Variants in DOCK10 observed in about 807,000 individuals in gnomAD.
DOCK10 encodes the protein dedicator of cytokinesis 10.
In DOCK10, 145 loss-of-function variants were observed where a neutral mutation model predicts 280.1. That is an observed-to-expected ratio of 0.52 (90% CI 0.45 to 0.59). DOCK10 has a LOEUF of 0.59. Ranked by LOEUF, DOCK10 falls within the 20% of genes least tolerant of loss-of-function variation. DOCK10 has a pLI of 0.00. For missense variants in DOCK10, 2,368 were observed against 2,651.7 expected (o/e 0.89, Z 2.35); for synonymous variants, 915 against 942.2 (o/e 0.97, Z 0.53).
chr2:224,766,164 A>G (rs1165302086), intron 55 of DOCK10, among the ~76,000 whole-genome samples: 1 of 152,180 alleles, frequency 6.6e-6, no homozygotes, highest in Non-Finnish European at 1.5e-5. Flanking sequence ...TATTGTCAGC[A>G]TCTGCCAAAA....
At chr2:224,880,238 A>G (rs1354557675) in intron 7 of DOCK10, among the ~76,000 whole-genome samples, 1 of 152,236 alleles carries the variant, frequency 6.6e-6, no homozygotes, top group Non-Finnish European at 1.5e-5. Context: ...TATAATTAAA[A>G]TAAATATTCG....
intron 1 of DOCK10, among the ~76,000 whole-genome samples, chr2:225,017,654 A>C (rs1449632251): frequency 1.3e-5 from 2 of 151,600 alleles, no homozygotes; most frequent in Admixed American, 6.6e-5. Flanking sequence ...AAAAATGTGG[A>C]TAGAACTGTC....
intron 1 of DOCK10, among the ~76,000 whole-genome samples, chr2:224,937,098 T>G (rs142072234): frequency 0.01 from 1,596 of 152,300 alleles, 20 homozygotes; most frequent in South Asian, 0.034. Context: ...AGCAATTTAA[T>G]AACTAAAATA....
chr2:224,767,909 A>G (rs917936907), intron 55 of DOCK10, among the ~76,000 whole-genome samples: 2 of 103,024 alleles, frequency 1.9e-5, no homozygotes, highest in Admixed American at 1.1e-4. Flanking sequence ...TATCCATTCT[A>G]ATTGTTTCTT....
In DOCK10 at chr2:224,801,983, A is replaced by G. The variant is rs369441393; in HGVS notation, c.4326T>C (p.Pro1442=). 6.8e-6 allele frequency: 11 copies of G among 1,613,048 alleles called. No homozygotes were observed. The African/African-American group carries it at 1.1e-4, about 16-fold the overall frequency. The change falls in exon 40 of 56, where the codon CCT becomes CCC. Residue 1442 remains proline (P), a synonymous_variant. Transcript: ENST00000258390. ...AAAGTGCATTTTTGCCTCGAATTAT[A>G]GGTAAAGTTTGTGATCTGTGCTGCT... ...GHKQHRSQTL[P]IIRGKNALSN... is the part of the protein sequence containing the mutation.
rs1692574152 is a variant in DOCK10, at chr2:224,796,357, C to T, written c.4897G>A (p.Ala1633Thr). The change falls in exon 44 of 56, where the codon GCA becomes ACA. Residue 1633 changes from alanine (A) to threonine (T), a missense_variant. Ala to Thr is a moderately conservative substitution (Grantham distance 58, BLOSUM62 0). This residue lies in a region of DOCK10 where 1,159 missense variants were observed against 1,400.8 expected (regional missense o/e 0.83). Coordinates refer to ENST00000258390, the MANE Select transcript of DOCK10 (RefSeq NM_014689.3). ...CCATTGGCGAAATTATTGGTAATTG[C>T]AAGCGAATGTTGAAACCGAGAGCCT... ...IGGSRFQHSL[A>T]ITNNFANGDK... is the part of the protein sequence containing the mutation. The T allele has an allele frequency of 6.4e-7, 1 of 1,573,740 alleles. No individual in the cohort carries two copies. Among genetic ancestry groups the T allele is most frequent in the East Asian group, 2.3e-5 (1 of 43,160 alleles).
At chr2:224,995,467 C>T (rs1000700683) in intron 1 of DOCK10, among the ~76,000 whole-genome samples, 5 of 152,200 alleles carry the variant, frequency 3.3e-5, no homozygotes, top group East Asian at 1.9e-4. Context: ...ATCTATCTCA[C>T]GCCAATAATA....
intron 39 of DOCK10, 30 bp from the exon 40 acceptor site, chr2:224,802,070 G>T: frequency 6.2e-7 from 1 of 1,605,724 alleles, no homozygotes. Context: ...AGTGGTTAGA[G>T]TTATTTGGGG....
intron 1 of DOCK10, among the ~76,000 whole-genome samples, chr2:225,014,809 G>T (rs1034948297): frequency 1.3e-5 from 2 of 152,190 alleles, no homozygotes; most frequent in Admixed American, 6.5e-5. Flanking sequence ...ACCAGGTCCA[G>T]TGTGAAGGTT....
chr2:224,773,068 T>C, intron 53 of DOCK10, 89 bp downstream of exon 53: 1 of 1,215,242 alleles, frequency 8.2e-7, no homozygotes, highest in Non-Finnish European at 1.1e-6. Flanking sequence ...AAAATGTTTC[T>C]TATATTCTTT....
Position 224,805,166 on chromosome 2 carries a change from C to A in DOCK10, c.4051+40G>T. ...GGTAGTATGAGAATCTGAAGGTTTT[C>A]TTTTTCCTTTTTTCAAAAAAATTAA... On this transcript the variant is annotated intron_variant, in intron 36 of 55. Transcript: ENST00000258390. The surrounding 1 kb of genome is among the most constrained non-coding windows in gnomAD (Gnocchi z 4.3). The A allele has an allele frequency of 6.2e-7, 1 of 1,600,580 alleles. No individual in the cohort carries two copies. The highest frequency in any genetic ancestry group is 8.5e-7 in the Non-Finnish European group (1 of 1,175,840).
Position 224,891,147 on chromosome 2 carries a change from C to T in DOCK10, c.417-4616G>A, listed in dbSNP as rs563310938. ...GTGTAATAAAACAAATACAGCAAAA[C>T]ATGAAAGACACATTCTAGGTGATGG... is the stretch of plus-strand genomic sequence containing the variant. On this transcript the variant is annotated intron_variant, in intron 4 of 55. Transcript: ENST00000258390. 3.3e-5 allele frequency among the ~76,000 whole-genome samples: 5 copies of T among 152,210 alleles called. No homozygotes were observed. In the South Asian group the frequency reaches 1.0e-3, roughly 32 times the overall value.
intron 50 of DOCK10, among the ~76,000 whole-genome samples, chr2:224,783,488 A>G (rs1183797720): frequency 2.0e-5 from 3 of 152,032 alleles, no homozygotes; most frequent in Non-Finnish European, 4.4e-5. Flanking sequence ...GTTAGCCAGG[A>G]TGGTCTTCAT....
chr2:224,951,389 A>G (rs1187641773), intron 1 of DOCK10, among the ~76,000 whole-genome samples: 1 of 152,212 alleles, frequency 6.6e-6, no homozygotes, highest in Non-Finnish European at 1.5e-5. Context: ...ATGTACATAC[A>G]AAACGCACAG....
chr2:224,871,220 C>T lies in DOCK10; in HGVS notation c.1257+2776G>A, dbSNP rs2125668021. On this transcript the variant is annotated intron_variant, in intron 11 of 55. Coordinates refer to ENST00000258390, the MANE Select transcript of DOCK10 (RefSeq NM_014689.3). ...AACATGTTCATAATGGTATTTTTGA[C>T]CTGTATTGTGCAAATCTCCCTCCCG... Among the ~76,000 whole-genome samples, 3 of 152,200 alleles carry T rather than the reference C, an allele frequency of 2.0e-5. No individual in the cohort carries two copies. In the South Asian group the frequency reaches 6.2e-4, roughly 32 times the overall value.
chr2:225,020,822 T>TCA (rs140478459), intron 1 of DOCK10, among the ~76,000 whole-genome samples: 115 of 151,784 alleles, frequency 7.6e-4, no homozygotes, highest in Admixed American at 2.0e-3. Context: ...ATGTTGGGTT[T>TCA]CACACACACA....
At chr2:224,801,471 AG>A (rs1360123011) in intron 40 of DOCK10, among the ~76,000 whole-genome samples, 2 of 152,078 alleles carry the variant, frequency 1.3e-5, no homozygotes, top group African/African-American at 4.8e-5. Flanking sequence ...AGAAGAGAAA[AG>A]GTCAGAGTTT....
chr2:224,909,675 C>A (rs1700890667), intron 3 of DOCK10, among the ~76,000 whole-genome samples: 2 of 152,124 alleles, frequency 1.3e-5, no homozygotes. Context: ...ATTATTCACT[C>A]AGAGCCTGTT....
At chr2:224,915,579 T>C (rs923500881) in intron 3 of DOCK10, among the ~76,000 whole-genome samples, 5 of 152,222 alleles carry the variant, frequency 3.3e-5, no homozygotes, top group African/African-American at 1.2e-4. Context: ...GGCTAGCTTA[T>C]GTAACATAAA....
Sources: gnomAD v4.1 joint callset for allele counts (sites outside exome capture counted in the v4.1 genomes callset) on GRCh38, gnomAD v4.1.1 for gene constraint, gnomAD v4.1.1 regional missense constraint, Gnocchi (gnomAD v3.1) non-coding constraint, MANE v1.5 for transcripts, NCBI Gene and HGNC (gene_info 2026-07-23, HGNC 2026-07-21) for gene names.